CCSER1: variants seen among roughly 807,000 people sequenced by gnomAD.
The protein encoded by CCSER1 is serine-rich coiled-coil domain-containing protein 1.
A neutral mutation model predicts 82.0 loss-of-function variants in CCSER1; 41 were observed. The observed-to-expected ratio is 0.50, with a 90% CI of 0.39 to 0.65. The LOEUF is 0.65. Among genes scored for constraint, CCSER1 ranks in the 30% least tolerant of loss-of-function variants. The pLI, the probability that CCSER1 is intolerant of heterozygous loss-of-function variation, is 0.00. For missense variants in CCSER1, 1,119 were observed against 1,064.2 expected, an observed-to-expected ratio of 1.05 and a Z score of -0.72; for synonymous variants, 414 against 383.9, an observed-to-expected ratio of 1.08 and a Z score of -0.92.
chr4:90,387,651 T>C (rs142178056), intron 3 of CCSER1, among the ~76,000 whole-genome samples: 50 of 152,322 alleles, frequency 3.3e-4, no homozygotes, highest in Non-Finnish European at 6.2e-4. Flanking sequence ...CAGTCAATGA[T>C]ACCTGAGTAA....
At chr4:90,905,700 T>TGG (rs1305488939) in intron 8 of CCSER1, among the ~76,000 whole-genome samples, 2 of 152,134 alleles carry the variant, frequency 1.3e-5, no homozygotes, top group African/African-American at 4.8e-5. Flanking sequence ...CAATGACCCT[T>TGG]TGCTTACAAC....
At chr4:90,216,067 G>A (rs1740959259) in intron 1 of CCSER1, among the ~76,000 whole-genome samples, 1 of 152,198 alleles carries the variant, frequency 6.6e-6, no homozygotes, top group African/African-American at 2.4e-5. Context: ...ATTTGAATAA[G>A]TTGGTAGAAA....
intron 10 of CCSER1, among the ~76,000 whole-genome samples, chr4:91,185,367 T>A (rs960946437): frequency 6.6e-6 from 1 of 152,228 alleles, no homozygotes; most frequent in African/African-American, 2.4e-5. Flanking sequence ...GACTCCTGTA[T>A]GTATTTGTAC....
intron 1 of CCSER1, among the ~76,000 whole-genome samples, chr4:90,306,768 G>A (rs568128165): frequency 6.6e-6 from 1 of 152,224 alleles, no homozygotes; most frequent in Admixed American, 6.5e-5. Flanking sequence ...TAAAGACTAA[G>A]AAATGAAACA....
chr4:91,157,379 A>G (rs961987537), intron 10 of CCSER1, among the ~76,000 whole-genome samples: 25 of 152,044 alleles, frequency 1.6e-4, no homozygotes, highest in Non-Finnish European at 3.4e-4. Context: ...TCTTCTTTTC[A>G]GATGAGTAAG....
At chr4:91,115,127 C>T (rs1016191618) in intron 10 of CCSER1, among the ~76,000 whole-genome samples, 1 of 151,846 alleles carries the variant, frequency 6.6e-6, no homozygotes, top group Admixed American at 6.6e-5. Flanking sequence ...GTTGAAGGGC[C>T]AATTGAATAA....
intron 5 of CCSER1, among the ~76,000 whole-genome samples, chr4:90,552,528 G>A (rs976230319): frequency 1.3e-5 from 2 of 152,002 alleles, no homozygotes; most frequent in African/African-American, 4.8e-5. Flanking sequence ...CGCAATTTCA[G>A]CTCACTGCAA....
At chr4:90,994,558 A>C (rs1418229298) in intron 9 of CCSER1, among the ~76,000 whole-genome samples, 1 of 151,314 alleles carries the variant, frequency 6.6e-6, no homozygotes, top group Non-Finnish European at 1.5e-5. Context: ...TTATTTTATT[A>C]ATCCTCACAA....
chr4:90,888,411 T>A (rs1356676522), intron 8 of CCSER1, among the ~76,000 whole-genome samples: 1 of 152,146 alleles, frequency 6.6e-6, no homozygotes, highest in Admixed American at 6.5e-5. Context: ...GAAAGAGTAG[T>A]GAACAAGAAG....
chr4:90,729,780 G>A (rs540704284), intron 7 of CCSER1, among the ~76,000 whole-genome samples: 1 of 152,262 alleles, frequency 6.6e-6, no homozygotes, highest in East Asian at 1.9e-4. Flanking sequence ...GGAGGCTGAG[G>A]CAGGAGAATG....
In CCSER1 at chr4:91,071,158, C is replaced by G. The variant is rs567095916; in HGVS notation, c.2173-14792C>G. On this transcript the variant is annotated intron_variant, in intron 9 of 10. Transcript: ENST00000509176. ...AAATATTTAAGTACTTATTTAGAAC[C>G]TAGCATCATGCACCAAGCACTGTTT... is the stretch of plus-strand genomic sequence containing the variant. Among the ~76,000 whole-genome samples the G allele has an allele frequency of 3.0e-3, 452 of 152,222 alleles. 7 individuals carry two copies. The highest frequency in any genetic ancestry group is 1.3e-3 in the Non-Finnish European group (88 of 68,018).
chr4:90,183,664 C>G (rs1247243505), intron 1 of CCSER1, among the ~76,000 whole-genome samples: 1 of 152,122 alleles, frequency 6.6e-6, no homozygotes, highest in East Asian at 1.9e-4. Flanking sequence ...CTGACTTGAG[C>G]TTTTTCTCTG....
intron 10 of CCSER1, among the ~76,000 whole-genome samples, chr4:91,416,173 T>C (rs1014897298): frequency 6.6e-6 from 1 of 152,076 alleles, no homozygotes; most frequent in Non-Finnish European, 1.5e-5. Context: ...CAAGGAGAAC[T>C]ACAAACTACT....
At chr4:90,177,816 C>T (rs995186224) in intron 1 of CCSER1, among the ~76,000 whole-genome samples, 3 of 152,064 alleles carry the variant, frequency 2.0e-5, no homozygotes, top group Non-Finnish European at 4.4e-5. Flanking sequence ...CTGTTTGAAG[C>T]ACGATGCACA....
intron 10 of CCSER1, among the ~76,000 whole-genome samples, chr4:91,503,121 T>A (rs1371934877): frequency 6.6e-6 from 1 of 151,994 alleles, no homozygotes; most frequent in Non-Finnish European, 1.5e-5. Flanking sequence ...GGCGGGCGGA[T>A]CACGAGGTCA....
intron 10 of CCSER1, among the ~76,000 whole-genome samples, chr4:91,410,481 C>T (rs1370942744): frequency 1.3e-5 from 2 of 152,110 alleles, no homozygotes; most frequent in South Asian, 2.1e-4. Context: ...GAAAGATGTA[C>T]TGAGCATGTA....
chr4:91,590,647 C>T (rs1231042798), intron 10 of CCSER1, among the ~76,000 whole-genome samples: 1 of 152,120 alleles, frequency 6.6e-6, no homozygotes, highest in African/African-American at 2.4e-5. Context: ...TGCCTGTTTA[C>T]TTTACATCAA....
At chr4:91,082,620 G>C (rs1024760819) in intron 9 of CCSER1, among the ~76,000 whole-genome samples, 7 of 152,088 alleles carry the variant, frequency 4.6e-5, no homozygotes, top group Non-Finnish European at 8.8e-5. Flanking sequence ...AGAGTGAATA[G>C]GCAACCTACA....
chr4:90,640,930 G>A (rs1488528781), intron 6 of CCSER1, among the ~76,000 whole-genome samples: 1 of 152,044 alleles, frequency 6.6e-6, no homozygotes, highest in Admixed American at 6.6e-5. Context: ...TATGAAAACA[G>A]ACTAATGCAA....
Sources: allele counts gnomAD v4.1 joint callset (sites outside exome capture counted in the v4.1 genomes callset), GRCh38; gene constraint gnomAD v4.1.1; transcripts MANE v1.5; gene names NCBI Gene and HGNC (gene_info 2026-07-23, HGNC 2026-07-21).